Variants in NFIB observed in about 807,000 individuals in gnomAD.
NFIB encodes the protein nuclear factor 1 B-type.
A neutral mutation model predicts 61.5 loss-of-function variants in NFIB; 11 were observed. The observed-to-expected ratio is 0.18, with a 90% CI of 0.11 to 0.30. NFIB has a LOEUF of 0.30. Among genes scored for constraint, NFIB ranks in the 10% least tolerant of loss-of-function variants. The pLI is 1.00. For synonymous variants in NFIB, 260 were observed against 216.5 expected (o/e 1.20, Z -1.76); for missense variants, 471 against 608.9 (o/e 0.77, Z 2.38).
intron 2 of NFIB, among the ~76,000 whole-genome samples, chr9:14,301,653 A>G (rs1035058530): frequency 2.0e-5 from 3 of 151,616 alleles, no homozygotes; most frequent in African/African-American, 2.4e-5. Context: ...TTAGTTTGCC[A>G]TATCGGAACA....
intron 2 of NFIB, among the ~76,000 whole-genome samples, chr9:14,211,522 T>C (rs1004352991): frequency 2.0e-5 from 3 of 152,204 alleles, no homozygotes; most frequent in Admixed American, 6.5e-5. Context: ...ACCACTCCCA[T>C]TGTCTACCTT....
At chr9:14,518,527 G>C in the NFIB span, among the ~76,000 whole-genome samples, 2 of 151,564 alleles carry the variant, frequency 1.3e-5, no homozygotes, top group Non-Finnish European at 2.9e-5. Context: ...AGCCTAGTGG[G>C]AAACAAAAAA....
chr9:14,455,077 T>A, the NFIB span, among the ~76,000 whole-genome samples: 1 of 152,188 alleles, frequency 6.6e-6, no homozygotes, highest in Non-Finnish European at 1.5e-5. Flanking sequence ...ATTTGACTGA[T>A]ACAAATACCT....
At chr9:14,280,751 T>C (rs1281024167) in intron 2 of NFIB, among the ~76,000 whole-genome samples, 2 of 152,042 alleles carry the variant, frequency 1.3e-5, no homozygotes, top group African/African-American at 4.8e-5. Context: ...ATTTTGTAAA[T>C]AATGAAATTT....
At chr9:14,251,856 A>G (rs922612162) in intron 2 of NFIB, among the ~76,000 whole-genome samples, 2 of 152,226 alleles carry the variant, frequency 1.3e-5, no homozygotes, top group African/African-American at 4.8e-5. Context: ...CAAGCTGGAG[A>G]GGAAAACAAC....
intron 2 of NFIB, among the ~76,000 whole-genome samples, chr9:14,186,598 G>C (rs1048086978): frequency 1.3e-5 from 2 of 151,792 alleles, no homozygotes; most frequent in African/African-American, 4.8e-5. Context: ...TAAGGGTAAT[G>C]GAGAGCAAAC....
the NFIB span, among the ~76,000 whole-genome samples, chr9:14,478,079 C>G: frequency 6.6e-6 from 1 of 152,158 alleles, no homozygotes; most frequent in Non-Finnish European, 1.5e-5. Context: ...GCTGCTGTCT[C>G]TGTTCTGCAT....
intron 1 of NFIB, among the ~76,000 whole-genome samples, chr9:14,326,563 G>C (rs1177044332): frequency 1.3e-5 from 2 of 152,152 alleles, no homozygotes; most frequent in African/African-American, 2.4e-5. Flanking sequence ...AAAAACCTGA[G>C]ATGGTGGTAT....
upstream of NFIB, among the ~76,000 whole-genome samples, chr9:14,314,810 A>T (rs1255740771): frequency 1.3e-5 from 2 of 148,354 alleles, no homozygotes; most frequent in Admixed American, 1.3e-4. Context: ...TTTTTCCAAA[A>T]TAGCTCTTCT....
At chr9:14,208,947 ACAGT>A (rs1406210732) in intron 2 of NFIB, among the ~76,000 whole-genome samples, 4 of 152,328 alleles carry the variant, frequency 2.6e-5, no homozygotes, top group Admixed American at 6.5e-5. Flanking sequence ...AAAAGAAGAA[ACAGT>A]CAGAGATGAA....
chr9:14,093,467 G>C (rs1420943314), intron 10 of NFIB: 1 of 152,028 alleles, frequency 6.6e-6, no homozygotes, highest in Non-Finnish European at 1.5e-5. Context: ...TACCTCAACT[G>C]TAACAGTAGC....
Position 14,088,101 on chromosome 9 carries a change from T to C in NFIB, c.*208A>G. The C allele has an allele frequency of 1.7e-6, 2 of 1,144,136 alleles. No homozygotes were observed. The highest frequency in any genetic ancestry group is 2.3e-6 in the Non-Finnish European group (2 of 870,456). 70.9% of individuals were successfully genotyped at this position (1,144,136 alleles called of 1,614,324 possible). The stretch of plus-strand genomic sequence containing the variant: ...TATCTTCTTTCTTCAGTTTCTTTCC[T>C]TTCTGCCTTTGTGTTGTTTTGTCCA... On this transcript the variant is annotated 3_prime_UTR_variant, in exon 11 of 11. Coordinates refer to ENST00000380953, the MANE Select transcript of NFIB (RefSeq NM_001190737.2).
In NFIB at chr9:14,204,259, A is replaced by G. The variant is rs563347343; in HGVS notation, c.563-24479T>C. On this transcript the variant is annotated intron_variant, in intron 2 of 10. Transcript: ENST00000380953. ...GTCCACTGCCCAAGATGTGGAAAGGAAAGAAGGCCAAGGGGAAGAAGGTGG... is the reference window on the plus strand; with the variant it reads ...GTCCACTGCCCAAGATGTGGAAAGGGAAGAAGGCCAAGGGGAAGAAGGTGG... The G allele has an allele frequency of 3.5e-5, 22 of 631,288 alleles. No homozygotes were observed. The East Asian group carries it at 5.9e-4, about 17-fold the overall frequency. The allele number at this position is 631,288 out of a possible 1,614,324, so 39.1% of individuals were successfully genotyped here.
chr9:14,096,810 T>C (rs921131200), intron 10 of NFIB, among the ~76,000 whole-genome samples: 2 of 152,170 alleles, frequency 1.3e-5, no homozygotes, highest in Non-Finnish European at 2.9e-5. Context: ...GCATGGTTAA[T>C]TTAGAGATTA....
chr9:14,115,421 A>T (rs1035922589), intron 9 of NFIB, among the ~76,000 whole-genome samples: 2 of 152,204 alleles, frequency 1.3e-5, no homozygotes, highest in African/African-American at 4.8e-5. Flanking sequence ...TAAGAAGCTG[A>T]CAGTTGGGTG....
At chr9:14,530,901 A>G in the NFIB span, among the ~76,000 whole-genome samples, 1 of 152,184 alleles carries the variant, frequency 6.6e-6, no homozygotes, top group Non-Finnish European at 1.5e-5. Flanking sequence ...AGGGGCAAAA[A>G]GAAGAAAAAA....
the NFIB span, among the ~76,000 whole-genome samples, chr9:14,434,044 C>T: frequency 6.6e-6 from 1 of 152,204 alleles, no homozygotes; most frequent in Non-Finnish European, 1.5e-5. Flanking sequence ...TAAGCTTTCT[C>T]TAAGAGCTAT....
chr9:14,525,235 G>A, the NFIB span, among the ~76,000 whole-genome samples: 1 of 152,176 alleles, frequency 6.6e-6, no homozygotes, highest in Non-Finnish European at 1.5e-5. Context: ...GCAGACTGAT[G>A]TAAAGCAGGC....
the NFIB span, among the ~76,000 whole-genome samples, chr9:14,495,960 C>A: frequency 6.6e-6 from 1 of 152,160 alleles, no homozygotes; most frequent in Non-Finnish European, 1.5e-5. Flanking sequence ...GAAGTTACTT[C>A]AACTTTCTAA....
Sources: allele counts gnomAD v4.1 joint callset (sites outside exome capture counted in the v4.1 genomes callset), GRCh38; gene constraint gnomAD v4.1.1; transcripts MANE v1.5; gene names NCBI Gene and HGNC (gene_info 2026-07-23, HGNC 2026-07-21).